Variants in NIPSNAP3A observed in about 807,000 individuals in gnomAD.
The protein encoded by NIPSNAP3A is nipsnap homolog 3A, also known as protein NipSnap homolog 3A.
In NIPSNAP3A, 27 loss-of-function variants were observed where a neutral mutation model predicts 32.3. The ratio of observed to expected loss-of-function variants is 0.84; its 90% CI spans 0.62 to 1.15. NIPSNAP3A has a LOEUF of 1.15. NIPSNAP3A is among the 50% of genes most tolerant of loss of function. NIPSNAP3A has a pLI of 0.00. For missense variants in NIPSNAP3A, 278 were observed against 297.2 expected, an observed-to-expected ratio of 0.94 and a Z score of 0.48; for synonymous variants, 108 against 107.3, an observed-to-expected ratio of 1.01 and a Z score of -0.04.
At position 104,749,617 on chromosome 9, in the gene NIPSNAP3A, A is replaced by G. The variant is rs1054380376; in HGVS notation, c.61-1339A>G. ...ACTTAAGTAAGATGGATTTATAAGA[A>G]TATCACGAATGCCTGTGTGTATACC... On this transcript the variant is annotated intron_variant, in intron 1 of 5. Transcript: ENST00000374767. Among the ~76,000 whole-genome samples the G allele has an allele frequency of 8.5e-5, 13 of 152,320 alleles. No homozygotes were observed. The East Asian group carries it at 2.5e-3, about 29-fold the overall frequency.
intron 1 of NIPSNAP3A, among the ~76,000 whole-genome samples, chr9:104,749,061 A>G (rs893972949): frequency 6.6e-6 from 1 of 152,170 alleles, no homozygotes. Flanking sequence ...TCCCTACTGT[A>G]TATTAATACT....
rs377731424 is a variant in NIPSNAP3A at position 104,757,933 on chromosome 9, T to C, written c.581-1152T>C. On this transcript the variant is annotated intron_variant, in intron 4 of 5. Coordinates refer to ENST00000374767, the MANE Select transcript of NIPSNAP3A (RefSeq NM_015469.3). Reference sequence around the variant, plus strand: ...AAATTAAAAAATAAAAATACATATATACACAAATATAGAAAGAGATACACC... The same window carrying C: ...AAATTAAAAAATAAAAATACATATACACACAAATATAGAAAGAGATACACC... Among the ~76,000 whole-genome samples, 17 of 151,800 alleles carry C rather than the reference T, an allele frequency of 1.1e-4. No homozygotes were observed. In the East Asian group the frequency reaches 1.7e-3, roughly 16 times the overall value.
intron 4 of NIPSNAP3A, among the ~76,000 whole-genome samples, chr9:104,758,757 C>T (rs1392020812): frequency 5.3e-5 from 8 of 150,218 alleles, no homozygotes; most frequent in Non-Finnish European, 1.2e-4. Context: ...GTCAGGAGTT[C>T]GAGACCAGCC....
chr9:104,748,420 C>T (rs978192323), intron 1 of NIPSNAP3A, among the ~76,000 whole-genome samples: 1 of 152,152 alleles, frequency 6.6e-6, no homozygotes, highest in South Asian at 2.1e-4. Context: ...GGACCCTGCC[C>T]GCCACCCGCG....
intron 1 of NIPSNAP3A, among the ~76,000 whole-genome samples, chr9:104,750,727 C>T (rs1328238318): frequency 1.3e-5 from 2 of 152,176 alleles, no homozygotes; most frequent in Non-Finnish European, 2.9e-5. Flanking sequence ...TAGATCTCTG[C>T]TTTTGTTACT....
Position 104,747,788 on chromosome 9 carries a change from G to A in NIPSNAP3A, c.-5G>A, listed in dbSNP as rs1183296291. 3.7e-6 allele frequency: 6 copies of A among 1,607,618 alleles called. No individual in the cohort carries two copies. In the East Asian group the frequency reaches 6.7e-5, roughly 18 times the overall value. ...GGCTGCTTTTCTCAGCGCCGAAGCC[G>A]CGCCATGCTCGTCCTCAGAAGCGCC... On this transcript the variant is annotated 5_prime_UTR_variant, in exon 1 of 6. Transcript: ENST00000374767.
chr9:104,756,814 C>CTTTTTT (rs34247948), intron 4 of NIPSNAP3A, among the ~76,000 whole-genome samples: 1 of 114,326 alleles, frequency 8.7e-6, no homozygotes, highest in Non-Finnish European at 1.8e-5. Flanking sequence ...TGTTAATATT[C>CTTTTTT]TTTTTTTTTT....
Position 104,750,945 on chromosome 9 carries a change from A to T in NIPSNAP3A, c.61-11A>T. The T allele has an allele frequency of 2.5e-6, 4 of 1,595,300 alleles. No individual in the cohort carries two copies. The highest frequency in any genetic ancestry group is 3.4e-6 in the Non-Finnish European group (4 of 1,162,832). ...TTCTCAAGATATTTACATTTGTCTT[A>T]TCTTCTTCAGATGTGCTCATCTTTT... On this transcript the variant is annotated splice_polypyrimidine_tract_variant and intron_variant, in intron 1 of 5. Coordinates refer to ENST00000374767, the MANE Select transcript of NIPSNAP3A (RefSeq NM_015469.3).
chr9:104,756,632 T>C (rs75897163), intron 4 of NIPSNAP3A, among the ~76,000 whole-genome samples: 9,747 of 146,018 alleles, frequency 0.067, 923 homozygotes, highest in African/African-American at 0.21. Flanking sequence ...TCCCCCAAAA[T>C]TTGACAATAA....
At chr9:104,747,917 T>TA in intron 1 of NIPSNAP3A, 65 bp downstream of exon 1, 1 of 1,446,208 alleles carries the variant, frequency 6.9e-7, no homozygotes, top group Non-Finnish European at 9.4e-7. Context: ...CGGGGAGTGT[T>TA]CCGGGTACGT....
At position 104,751,175 on chromosome 9, in the gene NIPSNAP3A, TC is replaced by T. The variant is rs1238685491; in HGVS notation, c.271+10del. The T allele has an allele frequency of 2.5e-6, 4 of 1,610,332 alleles. 1 individual carries two copies. Among genetic ancestry groups the T allele is most frequent in the Non-Finnish European group, 3.4e-6 (4 of 1,176,848 alleles). ...TCATATTTGGAAGTATGGTAAAGAGTCATCCAATTTTGGCTTTCAGTATAGA... is the reference window on the plus strand; with the variant it reads ...TCATATTTGGAAGTATGGTAAAGAGTATCCAATTTTGGCTTTCAGTATAGA... On this transcript the variant is annotated intron_variant, in intron 2 of 5. Coordinates refer to ENST00000374767, the MANE Select transcript of NIPSNAP3A (RefSeq NM_015469.3).
chr9:104,759,863 ACAT>A lies in NIPSNAP3A; in HGVS notation c.*530_*532del, dbSNP rs1827953263. ...ATGGAAAACCACATTGTCATTTGTG[ACAT>A]CATCTATATTAAATATGGTTTTCAC... On this transcript the variant is annotated 3_prime_UTR_variant, in exon 6 of 6. Coordinates refer to ENST00000374767, the MANE Select transcript of NIPSNAP3A (RefSeq NM_015469.3). The A allele has an allele frequency of 6.5e-6, 1 of 154,450 alleles. No homozygotes were observed. The highest frequency in any genetic ancestry group is 1.4e-5 in the Non-Finnish European group (1 of 69,532). The allele number at this position is 154,450 out of a possible 1,614,324, so 9.6% of individuals were successfully genotyped here.
At position 104,757,610 on chromosome 9, in the gene NIPSNAP3A, TAAAG is replaced by T. The variant is rs536701619; in HGVS notation, c.581-1471_581-1468del. Among the ~76,000 whole-genome samples, 505 of 152,342 alleles carry T rather than the reference TAAAG, an allele frequency of 3.3e-3. 15 individuals carry two copies. Among genetic ancestry groups the T allele is most frequent in the Admixed American group, 0.029 (436 of 15,298 alleles). On this transcript the variant is annotated intron_variant, in intron 4 of 5. Coordinates refer to ENST00000374767, the MANE Select transcript of NIPSNAP3A (RefSeq NM_015469.3). ...AAGTTTATGTTAATATTGTTTACAT[TAAAG>T]AAACATTGGAAATGTAGTATGACCT... is the stretch of plus-strand genomic sequence containing the variant.
At position 104,754,645 on chromosome 9, in the gene NIPSNAP3A, A is replaced by C; in HGVS notation, c.525A>C (p.Leu175=). The change falls in exon 4 of 6, where the codon CTA becomes CTC. Residue 175 remains leucine (L), a synonymous_variant. Coordinates refer to ENST00000374767, the MANE Select transcript of NIPSNAP3A (RefSeq NM_015469.3). ...GGGCAGTTCATGCTCATGTCAATCT[A>C]GGCTACACAAAACTAGTTGGAGTGT... ...FKRAVHAHVN[L]GYTKLVGVFH... 2 of 1,613,968 alleles carry C rather than the reference A, an allele frequency of 1.2e-6. No homozygotes were observed. Among genetic ancestry groups the C allele is most frequent in the Non-Finnish European group, 1.7e-6 (2 of 1,179,840 alleles).
chr9:104,758,732 G>GGC (rs1198420756), intron 4 of NIPSNAP3A, among the ~76,000 whole-genome samples: 2 of 151,624 alleles, frequency 1.3e-5, no homozygotes, highest in Non-Finnish European at 2.9e-5. Flanking sequence ...GGCTAAGGTG[G>GGC]GCGGATCACC....
In NIPSNAP3A at chr9:104,759,106, A is replaced by G. The variant is rs747619972; in HGVS notation, c.602A>G (p.Glu201Gly). Residue 201 changes from glutamate (E) to glycine (G), a missense_variant, in exon 5 of 6, where the codon GAG becomes GGG. Coordinates refer to ENST00000374767, the MANE Select transcript of NIPSNAP3A (RefSeq NM_015469.3). ...LNRVHVLWWN[E>G]SADSRAAGRH... is the part of the protein sequence containing the mutation. The stretch of plus-strand genomic sequence containing the variant: ...GCAGTTCATGTTCTTTGGTGGAATG[A>G]GAGTGCAGATAGTCGTGCAGCTGGG... 1.2e-6 allele frequency: 2 copies of G among 1,612,044 alleles called. No individual in the cohort carries two copies. Among genetic ancestry groups the G allele is most frequent in the Admixed American group, 1.7e-5 (1 of 59,804 alleles).
intron 3 of NIPSNAP3A, chr9:104,753,753 G>A (rs1292693899): frequency 6.6e-6 from 1 of 152,248 alleles, no homozygotes; most frequent in African/African-American, 2.4e-5. Context: ...GTGTATTTAG[G>A]TTACAAAAAA....
At chr9:104,756,894 C>G (rs1243533108) in intron 4 of NIPSNAP3A, among the ~76,000 whole-genome samples, 1 of 150,592 alleles carries the variant, frequency 6.6e-6, no homozygotes, top group Non-Finnish European at 1.5e-5. Context: ...ACCTCCGCCT[C>G]CTTGGTTCAG....
chr9:104,751,081 T>G lies in NIPSNAP3A; in HGVS notation c.186T>G (p.Leu62=). ...AAAATTTTGAGAAAAACGCTCATCT[T>G]CGGACAGCTCACTCTGAATTGGTTG... The part of the protein sequence containing the change: ...FLENFEKNAH[L]RTAHSELVGY... Residue 62 remains leucine, a synonymous_variant, in exon 2 of 6, where the codon CTT becomes CTG. Coordinates refer to ENST00000374767, the MANE Select transcript of NIPSNAP3A (RefSeq NM_015469.3). The G allele has an allele frequency of 6.2e-7, 1 of 1,614,102 alleles. No homozygotes were observed. The highest frequency in any genetic ancestry group is 8.5e-7 in the Non-Finnish European group (1 of 1,179,956).
Sources: gnomAD v4.1 joint callset for allele counts (sites outside exome capture counted in the v4.1 genomes callset) on GRCh38, gnomAD v4.1.1 for gene constraint, MANE v1.5 for transcripts, NCBI Gene and HGNC (gene_info 2026-07-23, HGNC 2026-07-21) for gene names.